Variants in EHMT1 observed in about 807,000 individuals in gnomAD.
EHMT1 encodes the protein euchromatic histone lysine methyltransferase 1, also known as histone-lysine N-methyltransferase EHMT1.
In EHMT1, 15 loss-of-function variants were observed where a neutral mutation model predicts 147.2. The ratio of observed to expected loss-of-function variants is 0.10; its 90% confidence interval spans 0.07 to 0.16. The LOEUF (loss-of-function observed/expected upper bound fraction) is 0.16, where lower values mean the gene tolerates loss of function less well. Ranked by LOEUF, EHMT1 falls within the 10% of genes least tolerant of loss-of-function variation. The probability of loss-of-function intolerance (pLI) is 1.00; values close to 1 mark genes in which losing one functional copy is unlikely to be tolerated. For synonymous variants in EHMT1, 795 were observed against 709.6 expected, an observed-to-expected ratio of 1.12 and a Z score of -1.91; for missense variants, 1,587 against 1,772.4, an observed-to-expected ratio of 0.90 and a Z score of 1.88.
At chr9:137,663,355 TC>T (rs920357404) in intron 1 of EHMT1, among the ~76,000 whole-genome samples, 1 of 152,050 alleles carries the variant, frequency 6.6e-6, no homozygotes, top group Non-Finnish European at 1.5e-5. Flanking sequence ...CTTGACAAGA[TC>T]CTGGTTTTTG....
intron 18 of EHMT1, 22 bp downstream of exon 18, chr9:137,801,006 C>A: frequency 6.2e-7 from 1 of 1,609,108 alleles, no homozygotes. Context: ...ACACCCTCCC[C>A]GGGAGCCGTG....
chr9:137,809,662 T>G (rs1337723403), intron 18 of EHMT1, among the ~76,000 whole-genome samples: 3 of 152,244 alleles, frequency 2.0e-5, no homozygotes, highest in Non-Finnish European at 4.4e-5. Flanking sequence ...CGTGAAACGC[T>G]CACGTGCTTT....
At chr9:137,687,358 G>A (rs1564588384) in intron 1 of EHMT1, among the ~76,000 whole-genome samples, 1 of 152,200 alleles carries the variant, frequency 6.6e-6, no homozygotes, top group Non-Finnish European at 1.5e-5. Context: ...AACAATAACA[G>A]CAGCAAAGCC....
chr9:137,812,697 C>T (rs1163036006), intron 19 of EHMT1, among the ~76,000 whole-genome samples: 1 of 152,250 alleles, frequency 6.6e-6, no homozygotes, highest in African/African-American at 2.4e-5. Context: ...CCCTTCTTAT[C>T]CTTGAGGGTA....
At chr9:137,687,574 A>C (rs890902406) in intron 1 of EHMT1, among the ~76,000 whole-genome samples, 2 of 152,288 alleles carry the variant, frequency 1.3e-5, no homozygotes, top group Middle Eastern at 3.4e-3. Context: ...TAGTGTTAGC[A>C]GGGGAGGCTT....
In EHMT1 at chr9:137,744,444, G is replaced by A. The variant is rs142765292; in HGVS notation, c.1170+354G>A. Among the ~76,000 whole-genome samples, 1,082 of 151,974 alleles carry A rather than the reference G, an allele frequency of 7.1e-3. 7 individuals are homozygous for A. Among genetic ancestry groups the A allele is most frequent in the African/African-American group, 0.025 (1,020 of 41,462 alleles). ...AATGATCCTCCCATCCCAGCCCCCC[G>A]AGCAGCTGGGACCACAGGCTCACGC... is the stretch of plus-strand genomic sequence containing the variant. On this transcript the variant is annotated intron_variant, in intron 6 of 26. Coordinates refer to ENST00000460843, the MANE Select transcript of EHMT1 (RefSeq NM_024757.5).
chr9:137,668,596 C>A (rs538053386), intron 1 of EHMT1, among the ~76,000 whole-genome samples: 4 of 152,280 alleles, frequency 2.6e-5, no homozygotes, highest in African/African-American at 9.6e-5. Flanking sequence ...AACCTTATAC[C>A]ATTAGCAGTT....
rs1950932437 is a variant in EHMT1 at position 137,776,035 on chromosome 9, G to A, written c.1792-583G>A. ...GCCCCTTTACGAACATGGGCCAAGA[G>A]CTTCCACTTTTGGGAGACTTTCTTT... On this transcript the variant is annotated intron_variant, in intron 11 of 26. Transcript: ENST00000460843. This position sits in a 1 kb window ranked among gnomAD's most constrained non-coding sequence, Gnocchi z 4.4. Among the ~76,000 whole-genome samples, 1 of 152,184 alleles carries A rather than the reference G, an allele frequency of 6.6e-6. No homozygotes were observed. The highest frequency in any genetic ancestry group is 1.5e-5 in the Non-Finnish European group (1 of 68,026).
chr9:137,638,672 C>T (rs1844261375), intron 1 of EHMT1, among the ~76,000 whole-genome samples: 2 of 152,090 alleles, frequency 1.3e-5, no homozygotes, highest in South Asian at 2.1e-4. Context: ...AGGGTCATTG[C>T]AGATTAGTTA....
intron 1 of EHMT1, among the ~76,000 whole-genome samples, chr9:137,644,073 G>C (rs979531358): frequency 3.9e-5 from 6 of 152,218 alleles, no homozygotes; most frequent in Non-Finnish European, 2.9e-5. Flanking sequence ...GGTGTGAGCT[G>C]TCTTGGTAAG....
intron 10 of EHMT1, among the ~76,000 whole-genome samples, chr9:137,765,551 A>G (rs57609312): frequency 0.049 from 7,433 of 152,248 alleles, 599 homozygotes; most frequent in African/African-American, 0.17. Context: ...CCCGAAGACC[A>G]TACAAAACAA....
chr9:137,817,392 C>T, intron 23 of EHMT1, 47 bp from the exon 24 acceptor site: 9 of 1,609,192 alleles, frequency 5.6e-6, no homozygotes, highest in Non-Finnish European at 7.7e-6. Context: ...ATTGTGGCAA[C>T]AGGCTGAGGC....
intron 8 of EHMT1, among the ~76,000 whole-genome samples, chr9:137,756,247 G>T (rs577400295): frequency 6.6e-6 from 1 of 152,322 alleles, no homozygotes; most frequent in Admixed American, 6.5e-5. Context: ...CTTGGCAGTG[G>T]GTGTGCAGCT....
chr9:137,798,418 A>G (rs564520126), intron 16 of EHMT1, among the ~76,000 whole-genome samples: 11 of 151,914 alleles, frequency 7.2e-5, no homozygotes, highest in African/African-American at 2.7e-4. Flanking sequence ...GAGAGAAAGA[A>G]AAAAAAAACA....
chr9:137,713,104 G>T (rs1164485120), intron 2 of EHMT1, among the ~76,000 whole-genome samples: 1 of 151,906 alleles, frequency 6.6e-6, no homozygotes, highest in Non-Finnish European at 1.5e-5. Flanking sequence ...AGGGTTTATT[G>T]TAAGATTTTC....
intron 9 of EHMT1, among the ~76,000 whole-genome samples, chr9:137,761,685 C>T (rs929031195): frequency 6.6e-6 from 1 of 152,106 alleles, no homozygotes; most frequent in African/African-American, 2.4e-5. Flanking sequence ...TCTCGATCTC[C>T]TGACCTCGTG....
intron 3 of EHMT1, among the ~76,000 whole-genome samples, chr9:137,726,087 C>CAT (rs71493692): frequency 2.7e-5 from 4 of 150,636 alleles, no homozygotes; most frequent in Non-Finnish European, 4.4e-5. Context: ...GGTGCCTTGT[C>CAT]GTGTGTGTGT....
At position 137,716,755 on chromosome 9, in the gene EHMT1, A is replaced by G. The variant is rs748754036; in HGVS notation, c.215A>G (p.His72Arg). ...DASSHANAAK[H>R]TQDSARVNPQ... ...AGCAGTCATGCAAATGCTGCAAAGCACACTCAGGACAGCGCAAGGGTCAAC... is the reference window on the plus strand; with the variant it reads ...AGCAGTCATGCAAATGCTGCAAAGCGCACTCAGGACAGCGCAAGGGTCAAC... The change falls in exon 3 of 27, where the codon CAC (histidine) becomes CGC (arginine). Residue 72 changes from histidine (H) to arginine (R), a missense_variant. His to Arg is a conservative substitution (Grantham distance 29). This residue lies in a region of EHMT1 where 810 missense variants were observed against 673.0 expected (regional missense o/e 1.20). Transcript: ENST00000460843. 2 of 1,613,004 alleles carry G rather than the reference A, an allele frequency of 1.2e-6. No homozygotes were observed. The highest frequency in any genetic ancestry group is 1.3e-5 in the African/African-American group (1 of 74,986).
intron 19 of EHMT1, among the ~76,000 whole-genome samples, chr9:137,812,318 G>A (rs757560579): frequency 3.9e-5 from 6 of 152,168 alleles, no homozygotes; most frequent in Non-Finnish European, 7.3e-5. Context: ...CAACCTGGGC[G>A]ACAGAGTGAG....
Sources: gnomAD v4.1 joint callset for allele counts (sites outside exome capture counted in the v4.1 genomes callset) on GRCh38, gnomAD v4.1.1 for gene constraint, gnomAD v4.1.1 regional missense constraint, Gnocchi (gnomAD v3.1) non-coding constraint, MANE v1.5 for transcripts, NCBI Gene and HGNC (gene_info 2026-07-23, HGNC 2026-07-21) for gene names.